The following NETO1 variants were observed in gnomAD, a reference collection of about 807,000 sequenced individuals.
NETO1 encodes the protein neuropilin and tolloid-like protein 1.
Under a neutral mutation model 61.3 loss-of-function variants are expected in NETO1, and 26 were observed. The ratio of observed to expected loss-of-function variants is 0.42; its 90% CI spans 0.31 to 0.59. NETO1 has a LOEUF of 0.59. Among genes scored for constraint, NETO1 ranks in the 20% least tolerant of loss-of-function variants. NETO1 has a pLI of 0.12. For missense variants in NETO1, 531 were observed against 662.8 expected (o/e 0.80, Z 2.18); for synonymous variants, 225 against 225.8 (o/e 1.00, Z 0.03).
chr18:72,850,656 A>T (rs548966899), intron 4 of NETO1, among the ~76,000 whole-genome samples: 1 of 152,268 alleles, frequency 6.6e-6, no homozygotes, highest in Non-Finnish European at 1.5e-5. Context: ...TTTTACCAAG[A>T]AGCCCAGTAA....
chr18:72,843,806 T>C (rs942438310), intron 4 of NETO1, among the ~76,000 whole-genome samples: 3 of 152,198 alleles, frequency 2.0e-5, no homozygotes, highest in Non-Finnish European at 1.5e-5. Context: ...CTGGTGCCAA[T>C]TGGTAACTCG....
At chr18:72,854,783 T>G (rs999908599) in intron 4 of NETO1, among the ~76,000 whole-genome samples, 1 of 150,614 alleles carries the variant, frequency 6.6e-6, no homozygotes, top group African/African-American at 2.4e-5. Context: ...TTTTTTTGTT[T>G]TTTGATGTTA....
chr18:72,772,310 T>G (rs1194216943), intron 7 of NETO1, among the ~76,000 whole-genome samples: 1 of 152,150 alleles, frequency 6.6e-6, no homozygotes, highest in Non-Finnish European at 1.5e-5. Flanking sequence ...CAAAGTGAAC[T>G]GATTGGGGAC....
At chr18:72,827,333 G>T (rs2073411533) in intron 4 of NETO1, among the ~76,000 whole-genome samples, 1 of 152,032 alleles carries the variant, frequency 6.6e-6, no homozygotes, top group Admixed American at 6.6e-5. Flanking sequence ...TTACAGTCCA[G>T]GCCTCCATGT....
At chr18:72,817,932 G>T (rs2073077446) in intron 4 of NETO1, among the ~76,000 whole-genome samples, 2 of 152,228 alleles carry the variant, frequency 1.3e-5, no homozygotes, top group African/African-American at 4.8e-5. Flanking sequence ...CCAACGGCCA[G>T]TGAGCACTGA....
At chr18:72,763,132 G>GTT (rs5826209) in intron 7 of NETO1, among the ~76,000 whole-genome samples, 40,691 of 146,348 alleles carry the variant, frequency 0.28, 6,436 homozygotes, top group South Asian at 0.4. Flanking sequence ...ATTAGATTTC[G>GTT]TTTTTTTTTT....
chr18:72,794,253 C>T lies in NETO1; in HGVS notation c.512-9G>A. 1.2e-6 allele frequency: 2 copies of T among 1,614,112 alleles called. No homozygotes were observed. Among genetic ancestry groups the T allele is most frequent in the East Asian group, 2.2e-5 (1 of 44,874 alleles). On this transcript the variant is annotated splice_polypyrimidine_tract_variant and intron_variant, in intron 5 of 10. Transcript: ENST00000327305. ...CATCTCAAACTCACACGCTAAATAACAAAATGCCAAACAAACACACAAAAA... is the reference window on the plus strand; with the variant it reads ...CATCTCAAACTCACACGCTAAATAATAAAATGCCAAACAAACACACAAAAA...
chr18:72,835,378 A>G, intron 4 of NETO1: 1 of 1,443,156 alleles, frequency 6.9e-7, no homozygotes, highest in Non-Finnish European at 9.6e-7. Context: ...TCAGGCATGA[A>G]TTGTAGGAAG....
chr18:72,753,621 A>G (rs971408485), intron 8 of NETO1, among the ~76,000 whole-genome samples: 1 of 152,224 alleles, frequency 6.6e-6, no homozygotes, highest in Non-Finnish European at 1.5e-5. Flanking sequence ...ACTAAATTAA[A>G]CAGGGAAGCA....
rs1267926349 is a variant in NETO1, at chr18:72,859,042, C to G, written c.253G>C (p.Asp85His). 3.1e-6 allele frequency: 5 copies of G among 1,613,136 alleles called. No individual in the cohort carries two copies. Among genetic ancestry groups the G allele is most frequent in the Non-Finnish European group, 4.2e-6 (5 of 1,179,582 alleles). Residue 85 changes from aspartate to histidine, a missense_variant, in exon 4 of 11, where the codon GAT (aspartate) becomes CAT (histidine). Transcript: ENST00000327305. Reference protein sequence around the residue: ...APRQCIELYFDEKYSIEPSWE... With the variant: ...APRQCIELYFHEKYSIEPSWE... ...GACGGTTCAATAGAGTACTTTTCATCAAAGTAAAGTTCAATGCACTGTCTT... is the reference window on the plus strand; with the variant it reads ...GACGGTTCAATAGAGTACTTTTCATGAAAGTAAAGTTCAATGCACTGTCTT...
At chr18:72,834,853 T>C in intron 4 of NETO1, 19 of 968,032 alleles carry the variant, frequency 2.0e-5, no homozygotes, top group Non-Finnish European at 2.3e-5. Flanking sequence ...ACTATTATAA[T>C]AAAAAGATTG....
chr18:72,763,683 C>T (rs766151654), intron 7 of NETO1, among the ~76,000 whole-genome samples: 29 of 152,042 alleles, frequency 1.9e-4, no homozygotes, highest in Admixed American at 4.6e-4. Flanking sequence ...ACCTCTAGGT[C>T]TCCTACTTCT....
chr18:72,783,675 T>G lies in NETO1; in HGVS notation c.868+3A>C. The G allele has an allele frequency of 6.2e-7, 1 of 1,613,522 alleles. No individual in the cohort carries two copies. Among genetic ancestry groups the G allele is most frequent in the African/African-American group, 1.3e-5 (1 of 75,060 alleles). ...AAAAATAGTCAAGTGCAGAGAATCT[T>G]ACGTTCTTGAAAGGATGTGAAGAGC... On this transcript the variant is annotated splice_donor_region_variant and intron_variant, in intron 7 of 10. Coordinates refer to ENST00000327305, the MANE Select transcript of NETO1 (RefSeq NM_138966.5).
chr18:72,773,526 A>C (rs149346270), intron 7 of NETO1, among the ~76,000 whole-genome samples: 1 of 152,224 alleles, frequency 6.6e-6, no homozygotes, highest in African/African-American at 2.4e-5. Context: ...TTTGAATTGT[A>C]ATAATCCCCA....
At chr18:72,835,041 G>C (rs2073699377) in intron 4 of NETO1, 3 of 1,029,632 alleles carry the variant, frequency 2.9e-6, no homozygotes, top group Non-Finnish European at 3.5e-6. Flanking sequence ...TAGGAGAATG[G>C]TGAGGAAAGG....
intron 4 of NETO1, among the ~76,000 whole-genome samples, chr18:72,840,640 A>AT (rs35930228): frequency 6.6e-6 from 1 of 151,634 alleles, no homozygotes; most frequent in Non-Finnish European, 1.5e-5. Context: ...AAATTCAGAG[A>AT]TTTTTTTTTT....
At chr18:72,772,275 C>T (rs2071377280) in intron 7 of NETO1, among the ~76,000 whole-genome samples, 1 of 152,100 alleles carries the variant, frequency 6.6e-6, no homozygotes, top group Non-Finnish European at 1.5e-5. Flanking sequence ...GGCTCAGACC[C>T]ACTAGGATAG....
At chr18:72,867,222 CT>C in intron 1 of NETO1, 41 bp downstream of exon 1, 1 of 1,487,530 alleles carries the variant, frequency 6.7e-7, no homozygotes, top group Non-Finnish European at 9.0e-7. Flanking sequence ...GGCGGGAGGG[CT>C]GGCTCCGGGA....
intron 6 of NETO1, among the ~76,000 whole-genome samples, chr18:72,784,604 C>T (rs2071852512): frequency 6.6e-6 from 1 of 152,188 alleles, no homozygotes; most frequent in Non-Finnish European, 1.5e-5. Context: ...TTGTCATATT[C>T]AGATGAAGAA....
Sources: gnomAD v4.1 joint callset for allele counts (sites outside exome capture counted in the v4.1 genomes callset) on GRCh38, gnomAD v4.1.1 for gene constraint, MANE v1.5 for transcripts, NCBI Gene and HGNC (gene_info 2026-07-23, HGNC 2026-07-21) for gene names.